SGMS2: variants seen among roughly 807,000 people sequenced by gnomAD.
SGMS2 encodes the protein phosphatidylcholine:ceramide cholinephosphotransferase 2.
SGMS2 carries 21 observed loss-of-function variants against 43.8 expected under a neutral mutation model. The ratio of observed to expected loss-of-function variants is 0.48; its 90% CI spans 0.34 to 0.69. The LOEUF is 0.69. SGMS2 is among the 30% of genes least tolerant of loss of function. The probability of loss-of-function intolerance (pLI) is 0.01; values close to 1 mark genes in which losing one functional copy is unlikely to be tolerated. For missense variants in SGMS2, 384 were observed against 443.2 expected (o/e 0.87, Z 1.20); for synonymous variants, 167 against 160.6 (o/e 1.04, Z -0.30).
intron 4 of SGMS2, among the ~76,000 whole-genome samples, chr4:107,901,806 G>A (rs1731130537): frequency 6.6e-6 from 1 of 152,104 alleles, no homozygotes; most frequent in Admixed American, 6.5e-5. Context: ...ATACAAGAAT[G>A]TTTGGCTGGG....
At chr4:107,847,429 T>C (rs372654727) in intron 1 of SGMS2, among the ~76,000 whole-genome samples, 29 of 150,892 alleles carry the variant, frequency 1.9e-4, no homozygotes, top group East Asian at 5.8e-4. Context: ...GTTGTAGATA[T>C]GCGGCGTTAT....
chr4:107,877,127 C>T (rs1038322540), intron 2 of SGMS2, among the ~76,000 whole-genome samples: 2 of 151,720 alleles, frequency 1.3e-5, no homozygotes, highest in Admixed American at 1.3e-4. Flanking sequence ...TAGCAAGACC[C>T]ATATTTCTAA....
chr4:107,851,912 C>T (rs1189317785), intron 1 of SGMS2, among the ~76,000 whole-genome samples: 4 of 152,076 alleles, frequency 2.6e-5, no homozygotes, highest in Admixed American at 2.6e-4. Flanking sequence ...GGTGGTACAT[C>T]ACCACAAATG....
intron 4 of SGMS2, among the ~76,000 whole-genome samples, chr4:107,900,752 T>A (rs1357262190): frequency 6.6e-6 from 1 of 152,200 alleles, no homozygotes; most frequent in Non-Finnish European, 1.5e-5. Flanking sequence ...ACTAAGCAGA[T>A]GTCTGAGGTG....
chr4:107,905,184 G>A (rs925649817), intron 5 of SGMS2, among the ~76,000 whole-genome samples: 2 of 152,162 alleles, frequency 1.3e-5, no homozygotes, highest in African/African-American at 4.8e-5. Flanking sequence ...ACAGTTCCAC[G>A]TGGCTGAGGA....
chr4:107,828,786 A>C (rs1010961996), intron 1 of SGMS2, among the ~76,000 whole-genome samples: 2 of 152,208 alleles, frequency 1.3e-5, no homozygotes, highest in Non-Finnish European at 2.9e-5. Flanking sequence ...CAGAGTCTTA[A>C]TTTCTGCGTT....
chr4:107,870,553 A>G (rs1016497312), intron 2 of SGMS2, among the ~76,000 whole-genome samples: 2 of 152,166 alleles, frequency 1.3e-5, no homozygotes, highest in African/African-American at 4.8e-5. Flanking sequence ...TTTCCTTTAA[A>G]GATACCCGCC....
chr4:107,898,057 A>G (rs1730817954), intron 3 of SGMS2, among the ~76,000 whole-genome samples: 1 of 152,208 alleles, frequency 6.6e-6, no homozygotes, highest in Non-Finnish European at 1.5e-5. Flanking sequence ...CATGGAGCAC[A>G]ATTCAAAACA....
intron 2 of SGMS2, among the ~76,000 whole-genome samples, chr4:107,885,299 T>TA (rs1174044289): frequency 6.6e-6 from 1 of 152,142 alleles, no homozygotes; most frequent in Non-Finnish European, 1.5e-5. Flanking sequence ...ATGATTGTAA[T>TA]AAAATACATC....
rs1204190998 is a variant in SGMS2 at position 107,912,597 on chromosome 4, A to G, written c.*2044A>G. On this transcript the variant is annotated 3_prime_UTR_variant, in exon 7 of 7. Transcript: ENST00000690982. ...GGTGTTTTCCTTGAGCCTCTAATTC[A>G]AATAAAACAAACTGATACACCTTAC... 5 of 152,168 alleles carry G rather than the reference A, an allele frequency of 3.3e-5. No individual in the cohort carries two copies. The highest frequency in any genetic ancestry group is 1.2e-4 in the African/African-American group (5 of 41,446). The allele number at this position is 152,168 out of a possible 1,614,324, so 9.4% of individuals were successfully genotyped here.
chr4:107,912,553 A>G lies in SGMS2; in HGVS notation c.*2000A>G, dbSNP rs1311888674. 1 of 152,138 alleles carries G rather than the reference A, an allele frequency of 6.6e-6. No individual in the cohort carries two copies. The highest frequency in any genetic ancestry group is 2.4e-5 in the African/African-American group (1 of 41,432). The allele number at this position is 152,138 out of a possible 1,614,324, so 9.4% of individuals were successfully genotyped here. On this transcript the variant is annotated 3_prime_UTR_variant, in exon 7 of 7. Transcript: ENST00000690982. ...AAAATCATCTGACACAGAAGCCTGG[A>G]TTTTGCTCTCCTAACACTGGTGTTT...
chr4:107,836,269 C>T (rs1381024572), intron 1 of SGMS2, among the ~76,000 whole-genome samples: 2 of 152,128 alleles, frequency 1.3e-5, no homozygotes, highest in Non-Finnish European at 2.9e-5. Flanking sequence ...GAAAAATATC[C>T]CACATAAATC....
At position 107,885,274 on chromosome 4, in the gene SGMS2, A is replaced by C. The variant is rs1381186045; in HGVS notation, c.-244-10036A>C. 2.6e-5 allele frequency among the ~76,000 whole-genome samples: 4 copies of C among 152,068 alleles called. No individual in the cohort carries two copies. The East Asian group carries it at 7.7e-4, about 29-fold the overall frequency. On this transcript the variant is annotated intron_variant, in intron 2 of 6. Coordinates refer to ENST00000690982, the MANE Select transcript of SGMS2 (RefSeq NM_001375905.1). ...GATTTATTCCAGAAATGTAAGGAAG[A>C]TTTAAAATTAGAAAATGATTGTAAT... is the stretch of plus-strand genomic sequence containing the variant.
chr4:107,862,499 C>T (rs1434744257), intron 2 of SGMS2, among the ~76,000 whole-genome samples: 2 of 152,056 alleles, frequency 1.3e-5, no homozygotes, highest in East Asian at 3.9e-4. Flanking sequence ...ACTCTTTTCC[C>T]TTTTATATGT....
intron 2 of SGMS2, among the ~76,000 whole-genome samples, chr4:107,882,826 T>A (rs904448172): frequency 2.0e-5 from 3 of 152,224 alleles, no homozygotes; most frequent in African/African-American, 7.2e-5. Context: ...TTCAATTCAA[T>A]AAAATTCTGT....
intron 4 of SGMS2, among the ~76,000 whole-genome samples, chr4:107,901,438 G>C (rs1386145546): frequency 6.6e-6 from 1 of 152,096 alleles, no homozygotes; most frequent in African/African-American, 2.4e-5. Flanking sequence ...GACTCTATAG[G>C]AATGTCCTTC....
intron 1 of SGMS2, among the ~76,000 whole-genome samples, chr4:107,856,302 G>A (rs941990142): frequency 3.3e-5 from 5 of 152,144 alleles, no homozygotes; most frequent in South Asian, 4.1e-4. Flanking sequence ...ACCATGTTAA[G>A]ATATATACAG....
chr4:107,907,553 G>A (rs1731687199), intron 5 of SGMS2, among the ~76,000 whole-genome samples: 1 of 152,182 alleles, frequency 6.6e-6, no homozygotes. Context: ...AGAGGTTGCA[G>A]TGAGCCAAGA....
chr4:107,841,344 T>G (rs1290813731), intron 1 of SGMS2, among the ~76,000 whole-genome samples: 1 of 152,164 alleles, frequency 6.6e-6, no homozygotes, highest in African/African-American at 2.4e-5. Flanking sequence ...TATTAACCCC[T>G]GAAGGCACCT....
Sources: gnomAD v4.1 joint callset for allele counts (sites outside exome capture counted in the v4.1 genomes callset) on GRCh38, gnomAD v4.1.1 for gene constraint, MANE v1.5 for transcripts, NCBI Gene and HGNC (gene_info 2026-07-23, HGNC 2026-07-21) for gene names.